Variants in PDGFRL observed in about 807,000 individuals in gnomAD.
The protein encoded by PDGFRL is platelet derived growth factor receptor like.
Under a neutral mutation model 37.2 loss-of-function variants are expected in PDGFRL, and 46 were observed. That is an observed-to-expected ratio of 1.24 (90% CI 0.98 to 1.58). The LOEUF (loss-of-function observed/expected upper bound fraction) is 1.58. Among genes scored for constraint, PDGFRL ranks in the 40% most tolerant of loss-of-function variants. The pLI, the probability that PDGFRL is intolerant of heterozygous loss-of-function variation, is 0.00. For synonymous variants in PDGFRL, 251 were observed against 184.3 expected, an observed-to-expected ratio of 1.36 and a Z score of -2.93; for missense variants, 692 against 467.6, an observed-to-expected ratio of 1.48 and a Z score of -4.43.
intron 1 of PDGFRL, among the ~76,000 whole-genome samples, chr8:17,588,093 GACAACA>G (rs1803855040): frequency 6.6e-6 from 1 of 152,118 alleles, no homozygotes; most frequent in South Asian, 2.1e-4. Context: ...AGGCAAAAAT[GACAACA>G]AAAGCAACTT....
chr8:17,590,964 G>T (rs1216246276), intron 2 of PDGFRL, among the ~76,000 whole-genome samples: 1 of 148,940 alleles, frequency 6.7e-6, no homozygotes, highest in Non-Finnish European at 1.5e-5. Context: ...CTCACTACAA[G>T]CTCCGCCTCC....
chr8:17,581,922 G>T (rs567138675), intron 1 of PDGFRL, among the ~76,000 whole-genome samples: 1 of 152,286 alleles, frequency 6.6e-6, no homozygotes, highest in South Asian at 2.1e-4. Context: ...AAAGATACCT[G>T]AAAGTGTGGA....
chr8:17,628,438 A>T, intron 3 of PDGFRL, 49 bp from the exon 4 acceptor site: 1 of 1,491,234 alleles, frequency 6.7e-7, no homozygotes, highest in Non-Finnish European at 9.3e-7. Context: ...GGGTGCTTTT[A>T]CTTTGCGTCT....
chr8:17,591,643 C>T (rs984808203), intron 2 of PDGFRL, among the ~76,000 whole-genome samples: 4 of 152,174 alleles, frequency 2.6e-5, no homozygotes, highest in South Asian at 4.1e-4. Flanking sequence ...AGGCTGGGCA[C>T]GGTGGCTCAC....
chr8:17,607,080 G>T (rs947750729), intron 2 of PDGFRL, among the ~76,000 whole-genome samples: 5 of 151,928 alleles, frequency 3.3e-5, no homozygotes, highest in African/African-American at 1.2e-4. Context: ...ATTTTGATTG[G>T]AAATGGGGTT....
intron 3 of PDGFRL, among the ~76,000 whole-genome samples, chr8:17,626,814 G>A (rs555509145): frequency 6.6e-6 from 1 of 152,346 alleles, no homozygotes. Flanking sequence ...CCTAAGGACA[G>A]AATTGGTAGG....
chr8:17,576,625 C>T (rs1803585788), upstream of PDGFRL: 1 of 672,484 alleles, frequency 1.5e-6, no homozygotes, highest in Non-Finnish European at 1.8e-6. Context: ...GGGTTGTCTG[C>T]ACAGTCTCAT....
At chr8:17,636,116 G>A (rs545136839) in intron 5 of PDGFRL, among the ~76,000 whole-genome samples, 38 of 152,236 alleles carry the variant, frequency 2.5e-4, no homozygotes, top group Non-Finnish European at 4.6e-4. Flanking sequence ...AAGTTTTTTA[G>A]TTTAATTAAG....
At chr8:17,595,805 G>A (rs1295183775) in intron 2 of PDGFRL, among the ~76,000 whole-genome samples, 1 of 152,196 alleles carries the variant, frequency 6.6e-6, no homozygotes, top group Non-Finnish European at 1.5e-5. Flanking sequence ...AGTGAGTTTA[G>A]GTCAACAGGT....
intron 5 of PDGFRL, among the ~76,000 whole-genome samples, chr8:17,638,741 A>G (rs1182641658): frequency 7.9e-5 from 1 of 12,660 alleles, no homozygotes; most frequent in South Asian, 2.3e-3. Flanking sequence ...TTAGGTGCAT[A>G]TATATATATA....
intron 4 of PDGFRL, among the ~76,000 whole-genome samples, chr8:17,631,513 T>C (rs1804860781): frequency 1.3e-5 from 2 of 152,090 alleles, no homozygotes; most frequent in South Asian, 4.2e-4. Context: ...CTCACAGCCC[T>C]GCTCCACCTC....
intron 2 of PDGFRL, among the ~76,000 whole-genome samples, chr8:17,597,072 G>A (rs1423733598): frequency 5.9e-5 from 9 of 152,150 alleles, no homozygotes; most frequent in East Asian, 1.9e-4. Flanking sequence ...CTAGGTTGGC[G>A]TGCAGTGGCA....
chr8:17,582,114 A>C (rs935385998), intron 1 of PDGFRL, among the ~76,000 whole-genome samples: 1 of 152,166 alleles, frequency 6.6e-6, no homozygotes, highest in Non-Finnish European at 1.5e-5. Context: ...GGAAACAGAT[A>C]ACTTATTGGG....
chr8:17,608,042 T>C (rs930678635), intron 2 of PDGFRL, among the ~76,000 whole-genome samples: 2 of 152,156 alleles, frequency 1.3e-5, no homozygotes, highest in Admixed American at 1.3e-4. Context: ...CAGAACCTTC[T>C]CTTGTCACTT....
At chr8:17,589,991 G>T (rs765122817) in intron 2 of PDGFRL, among the ~76,000 whole-genome samples, 10 of 151,698 alleles carry the variant, frequency 6.6e-5, no homozygotes, top group Non-Finnish European at 1.3e-4. Flanking sequence ...CAGCACTTTG[G>T]GAGGCCGAGG....
At chr8:17,605,478 C>G (rs1357619788) in intron 2 of PDGFRL, among the ~76,000 whole-genome samples, 3 of 152,212 alleles carry the variant, frequency 2.0e-5, no homozygotes, top group African/African-American at 7.2e-5. Context: ...TGCATCTTCT[C>G]TGCACACATT....
intron 5 of PDGFRL, among the ~76,000 whole-genome samples, chr8:17,640,332 T>G (rs1265948932): frequency 5.3e-5 from 8 of 152,204 alleles, no homozygotes; most frequent in Admixed American, 1.3e-4. Context: ...TAGTGTGATC[T>G]TCTGGGGTGT....
At chr8:17,579,216 A>G (rs1200209825) in intron 1 of PDGFRL, among the ~76,000 whole-genome samples, 1 of 152,216 alleles carries the variant, frequency 6.6e-6, no homozygotes, top group Non-Finnish European at 1.5e-5. Flanking sequence ...AGATAAAAAT[A>G]AAAGCACACA....
intron 5 of PDGFRL, among the ~76,000 whole-genome samples, chr8:17,641,896 T>TCCCCCCCCCCCCCCCCCCCCCCCCAAC (rs144394170): frequency 9.6e-6 from 1 of 103,888 alleles, no homozygotes; most frequent in African/African-American, 4.7e-5. Context: ...TCAATAGAGG[T>TCCCCCCCCCCCCCCCCCCCCCCCCAAC]CCCCGCCACA....
Sources: gnomAD v4.1 joint callset for allele counts (sites outside exome capture counted in the v4.1 genomes callset) on GRCh38, gnomAD v4.1.1 for gene constraint, MANE v1.5 for transcripts, NCBI Gene and HGNC (gene_info 2026-07-23, HGNC 2026-07-21) for gene names.